CTNNA3: variants seen among roughly 807,000 people sequenced by gnomAD.
The protein encoded by CTNNA3 is catenin alpha-3.
In CTNNA3, 76 loss-of-function variants were observed where a neutral mutation model predicts 95.7. The ratio of observed to expected loss-of-function variants is 0.79; its 90% CI spans 0.66 to 0.96. CTNNA3 has a LOEUF of 0.96. Ranked by LOEUF, CTNNA3 falls within the 40% of genes least tolerant of loss-of-function variation. The pLI is 0.00. For missense variants in CTNNA3, 1,191 were observed against 1,089.8 expected (o/e 1.09, Z -1.31); for synonymous variants, 431 against 374.4 (o/e 1.15, Z -1.74).
intron 5 of CTNNA3, among the ~76,000 whole-genome samples, chr10:67,230,396 G>T (rs778202666): frequency 6.6e-6 from 1 of 152,050 alleles, no homozygotes; most frequent in Admixed American, 6.5e-5. Flanking sequence ...CTTAGGCAAA[G>T]ATTTCATCAC....
At chr10:67,499,407 T>A (rs958315768) in intron 5 of CTNNA3, among the ~76,000 whole-genome samples, 3 of 152,192 alleles carry the variant, frequency 2.0e-5, no homozygotes, top group Admixed American at 6.5e-5. Flanking sequence ...TTTTGTTGTG[T>A]CTCTGCCAGG....
intron 10 of CTNNA3, among the ~76,000 whole-genome samples, chr10:66,572,014 C>A (rs1251652957): frequency 6.6e-6 from 1 of 151,976 alleles, no homozygotes; most frequent in Admixed American, 6.6e-5. Flanking sequence ...TACATATTTG[C>A]CTCCAGAGAT....
intron 7 of CTNNA3, among the ~76,000 whole-genome samples, chr10:67,129,350 G>A (rs1859877430): frequency 6.6e-6 from 1 of 152,070 alleles, no homozygotes; most frequent in Non-Finnish European, 1.5e-5. Flanking sequence ...ATTCCTCTAA[G>A]TTTAAAAGTA....
intron 5 of CTNNA3, among the ~76,000 whole-genome samples, chr10:67,467,799 C>T (rs944576144): frequency 2.6e-5 from 4 of 151,966 alleles, no homozygotes; most frequent in African/African-American, 7.2e-5. Context: ...CAGCCTCGAC[C>T]TCCTGGGCTC....
intron 17 of CTNNA3, among the ~76,000 whole-genome samples, chr10:65,962,657 T>C (rs181507954): frequency 3.2e-4 from 48 of 152,110 alleles, no homozygotes; most frequent in African/African-American, 1.1e-3. Context: ...GCTGCACCCA[T>C]CAACCCATCA....
At chr10:67,150,914 C>T (rs1861058036) in intron 7 of CTNNA3, among the ~76,000 whole-genome samples, 1 of 152,108 alleles carries the variant, frequency 6.6e-6, no homozygotes, top group South Asian at 2.1e-4. Context: ...ACACGGCTAT[C>T]CTTTCTTTTA....
At chr10:66,906,958 G>A (rs1316629639) in intron 7 of CTNNA3, among the ~76,000 whole-genome samples, 11 of 151,986 alleles carry the variant, frequency 7.2e-5, no homozygotes, top group Admixed American at 7.2e-4. Context: ...TGACTTTTGT[G>A]TATGTTTGGA....
At chr10:67,213,570 G>A (rs1260198760) in intron 6 of CTNNA3, among the ~76,000 whole-genome samples, 1 of 151,730 alleles carries the variant, frequency 6.6e-6, no homozygotes, top group East Asian at 1.9e-4. Context: ...ATATAAGCAT[G>A]TATAGGTGAG....
At chr10:67,036,430 C>T (rs1436429505) in intron 7 of CTNNA3, among the ~76,000 whole-genome samples, 1 of 152,060 alleles carries the variant, frequency 6.6e-6, no homozygotes, top group Non-Finnish European at 1.5e-5. Context: ...CTTTGGAAGG[C>T]TGAGGCGGGC....
intron 12 of CTNNA3, among the ~76,000 whole-genome samples, chr10:66,346,240 TATATATAGAGAGAGAGAG>T (rs1250849174): frequency 0.02 from 230 of 11,292 alleles, 1 homozygote; most frequent in South Asian, 0.034. Context: ...TATATATATA[TATATATAGAGAGAGAGAG>T]AGAGAGAGAG....
At chr10:66,754,043 T>C (rs539085767) in intron 9 of CTNNA3, among the ~76,000 whole-genome samples, 15 of 152,242 alleles carry the variant, frequency 9.9e-5, no homozygotes, top group South Asian at 6.2e-4. Context: ...AAGATTCATA[T>C]AGAAATACAA....
intron 17 of CTNNA3, among the ~76,000 whole-genome samples, chr10:65,953,310 A>G (rs2077657293): frequency 6.6e-6 from 1 of 152,096 alleles, no homozygotes; most frequent in Admixed American, 6.5e-5. Flanking sequence ...ATACATCAAG[A>G]TGACTAGGGG....
At chr10:67,377,736 T>C (rs1215496250) in intron 5 of CTNNA3, among the ~76,000 whole-genome samples, 1 of 152,176 alleles carries the variant, frequency 6.6e-6, no homozygotes, top group Non-Finnish European at 1.5e-5. Flanking sequence ...GTAATTAGCA[T>C]ATCTACCATC....
At chr10:67,307,994 A>AT (rs1840626754) in intron 5 of CTNNA3, among the ~76,000 whole-genome samples, 1 of 152,160 alleles carries the variant, frequency 6.6e-6, no homozygotes, top group African/African-American at 2.4e-5. Flanking sequence ...GAGGAATAAC[A>AT]TTATCTGGTC....
rs1290310168 is a variant in CTNNA3, at chr10:66,845,778, CACAT to C, written c.1048-70258_1048-70255del. On this transcript the variant is annotated intron_variant, in intron 7 of 17. Coordinates refer to ENST00000433211, the MANE Select transcript of CTNNA3 (RefSeq NM_013266.4). ...ATACACACACACACACACACACACA[CACAT>C]ATATATGTATGTATATAGGTGTACA... Among the ~76,000 whole-genome samples, 360 of 139,542 alleles carry C rather than the reference CACAT, an allele frequency of 2.6e-3. 6 individuals carry two copies. Among genetic ancestry groups the C allele is most frequent in the Middle Eastern group, 8.7e-3 (2 of 230 alleles). 91.5% of individuals were successfully genotyped at this position (139,542 alleles called of 152,430 possible).
chr10:66,674,795 C>A (rs17275958), intron 9 of CTNNA3, among the ~76,000 whole-genome samples: 20,992 of 151,990 alleles, frequency 0.14, 1,838 homozygotes, highest in Non-Finnish European at 0.2. Context: ...CTTAGGCCAC[C>A]TTTGATGTCA....
chr10:67,346,189 AG>A (rs1455497854), intron 5 of CTNNA3, among the ~76,000 whole-genome samples: 10 of 152,116 alleles, frequency 6.6e-5, no homozygotes, highest in Non-Finnish European at 1.0e-4. Context: ...TGTACTATCT[AG>A]GTCTTTAAAA....
intron 7 of CTNNA3, among the ~76,000 whole-genome samples, chr10:66,876,912 T>C (rs117872919): frequency 6.6e-6 from 1 of 152,256 alleles, no homozygotes; most frequent in East Asian, 1.9e-4. Flanking sequence ...GCATAAACCT[T>C]TGCTTTCCTC....
chr10:67,417,432 CT>C (rs1452031303), intron 5 of CTNNA3, among the ~76,000 whole-genome samples: 2 of 152,052 alleles, frequency 1.3e-5, no homozygotes, highest in Non-Finnish European at 2.9e-5. Flanking sequence ...CATGTACCCC[CT>C]GTATCTACAA....
Sources: gnomAD v4.1 joint callset for allele counts (sites outside exome capture counted in the v4.1 genomes callset) on GRCh38, gnomAD v4.1.1 for gene constraint, MANE v1.5 for transcripts, NCBI Gene and HGNC (gene_info 2026-07-23, HGNC 2026-07-21) for gene names.